The following FIP1L1 variants were observed in gnomAD, a reference collection of about 807,000 sequenced individuals.
FIP1L1 encodes pre-mRNA 3'-end-processing factor FIP1.
A neutral mutation model predicts 84.6 loss-of-function variants in FIP1L1; 21 were observed. The ratio of observed to expected loss-of-function variants is 0.25; its 90% CI spans 0.18 to 0.36. FIP1L1 has a LOEUF of 0.36. Among genes scored for constraint, FIP1L1 ranks in the 10% least tolerant of loss-of-function variants. The pLI, the probability that FIP1L1 is intolerant of heterozygous loss-of-function variation, is 1.00. For synonymous variants in FIP1L1, 263 were observed against 242.3 expected, an observed-to-expected ratio of 1.09 and a Z score of -0.80; for missense variants, 526 against 751.1, an observed-to-expected ratio of 0.70 and a Z score of 3.50.
Position 53,382,303 on chromosome 4 carries a change from G to A in FIP1L1, c.196G>A (p.Asp66Asn). ...TGCTAATCCTCCATCTGGAATTGAA[G>A]ATGAAACTGCTGAAAATGGTGTACC... ...ASANPPSGIE[D>N]ETAENGVPKP... is the part of the protein sequence containing the mutation. Residue 66 changes from aspartate to asparagine, a missense_variant, in exon 4 of 18, where the codon GAT (aspartate) becomes AAT (asparagine). Asp to Asn is a conservative substitution (Grantham distance 23). This residue lies in a region of FIP1L1 where 100 missense variants were observed against 107.2 expected (regional missense o/e 0.93). Coordinates refer to ENST00000337488, the MANE Select transcript of FIP1L1 (RefSeq NM_030917.4). 1 of 1,613,768 alleles carries A rather than the reference G, an allele frequency of 6.2e-7. No homozygotes were observed. The highest frequency in any genetic ancestry group is 2.2e-5 in the East Asian group (1 of 44,844).
intron 3 of FIP1L1, among the ~76,000 whole-genome samples, chr4:53,380,015 A>C (rs150050634): frequency 2.2e-3 from 338 of 152,314 alleles, no homozygotes; most frequent in Non-Finnish European, 3.7e-3. Flanking sequence ...GTTAGTGAGG[A>C]TATGGGGAAA....
At chr4:53,449,857 C>T (rs1303230471) in intron 15 of FIP1L1, among the ~76,000 whole-genome samples, 2 of 151,976 alleles carry the variant, frequency 1.3e-5, no homozygotes, top group Admixed American at 1.3e-4. Flanking sequence ...TAATCCATTT[C>T]GGCTAAGTTT....
At chr4:53,444,146 T>G (rs767041719) in intron 15 of FIP1L1, 43 bp downstream of exon 15, 1 of 1,243,502 alleles carries the variant, frequency 8.0e-7, no homozygotes, top group Admixed American at 1.7e-5. Flanking sequence ...TTTGAATCAG[T>G]AAAGTACTTG....
chr4:53,433,278 C>T (rs757841575), intron 13 of FIP1L1, among the ~76,000 whole-genome samples: 1 of 152,218 alleles, frequency 6.6e-6, no homozygotes, highest in Non-Finnish European at 1.5e-5. Context: ...TCTGTGCCCA[C>T]TAAACTCCTT....
At chr4:53,451,764 A>G (rs1474183317) in intron 15 of FIP1L1, among the ~76,000 whole-genome samples, 2 of 152,022 alleles carry the variant, frequency 1.3e-5, no homozygotes, top group African/African-American at 4.8e-5. Context: ...CTGCTATTGA[A>G]TAGCGTATAT....
intron 11 of FIP1L1, among the ~76,000 whole-genome samples, chr4:53,423,998 G>T (rs534268308): frequency 6.6e-6 from 1 of 152,218 alleles, no homozygotes; most frequent in Admixed American, 6.5e-5. Context: ...GTTATATCTA[G>T]ATCTAATTTT....
intron 15 of FIP1L1, among the ~76,000 whole-genome samples, chr4:53,445,626 C>A (rs913472586): frequency 2.6e-5 from 4 of 152,064 alleles, no homozygotes; most frequent in African/African-American, 9.7e-5. Context: ...TGTGGAAAGG[C>A]AATATATACT....
intron 10 of FIP1L1, among the ~76,000 whole-genome samples, chr4:53,413,779 A>G (rs568936808): frequency 1.2e-4 from 19 of 152,062 alleles, no homozygotes; most frequent in Non-Finnish European, 2.6e-4. Context: ...TTTAGCATTT[A>G]TTTTTCCTTC....
At chr4:53,419,977 G>A (rs1761477598) in intron 11 of FIP1L1, among the ~76,000 whole-genome samples, 1 of 151,966 alleles carries the variant, frequency 6.6e-6, no homozygotes, top group Non-Finnish European at 1.5e-5. Context: ...GGGAGGCCGA[G>A]GCGGGTGGAT....
At chr4:53,403,245 G>A (rs1013754613) in intron 10 of FIP1L1, among the ~76,000 whole-genome samples, 7 of 152,062 alleles carry the variant, frequency 4.6e-5, no homozygotes, top group African/African-American at 1.4e-4. Context: ...TGATGACACA[G>A]GGAGAGAAAC....
At chr4:53,401,122 T>C (rs1486434474) in intron 10 of FIP1L1, among the ~76,000 whole-genome samples, 2 of 152,238 alleles carry the variant, frequency 1.3e-5, no homozygotes, top group Non-Finnish European at 2.9e-5. Context: ...AGTGTAGTTA[T>C]CTATATTCAG....
In FIP1L1 at chr4:53,428,186, A is replaced by G. The variant is rs1180725908; in HGVS notation, c.1174+3A>G. 6.4e-7 allele frequency: 1 copy of G among 1,561,946 alleles called. No individual in the cohort carries two copies. Among genetic ancestry groups the G allele is most frequent in the Non-Finnish European group, 8.7e-7 (1 of 1,151,024 alleles). ...TCCACCTCTGATTCCACCACCGGGT[A>G]AATAGTAAATAAGACATTTGACTTT... On this transcript the variant is annotated splice_donor_region_variant and intron_variant, in intron 13 of 17. Transcript: ENST00000337488.
At chr4:53,428,656 C>A (rs924466468) in intron 13 of FIP1L1, among the ~76,000 whole-genome samples, 17 of 152,124 alleles carry the variant, frequency 1.1e-4, no homozygotes, top group Non-Finnish European at 1.3e-4. Flanking sequence ...GTATTTATTT[C>A]TTTTAAACAA....
chr4:53,387,290 C>G (rs1174603852), intron 5 of FIP1L1, among the ~76,000 whole-genome samples: 1 of 152,182 alleles, frequency 6.6e-6, no homozygotes, highest in Non-Finnish European at 1.5e-5. Context: ...TAGTAAGATC[C>G]TGTCTCAAAG....
chr4:53,459,258 GTATT>G, intron 17 of FIP1L1, 40 bp from the exon 18 acceptor site: 2 of 1,347,598 alleles, frequency 1.5e-6, no homozygotes, highest in South Asian at 1.4e-5. Context: ...CACTGATTGT[GTATT>G]TAAACAGAAC....
intron 17 of FIP1L1, 48 bp from the exon 18 acceptor site, chr4:53,459,253 AT>A: frequency 3.0e-6 from 4 of 1,315,764 alleles, no homozygotes; most frequent in Non-Finnish European, 4.1e-6. Context: ...TTTGTCACTG[AT>A]TGTGTATTTA....
chr4:53,440,013 T>A (rs1409653143), intron 13 of FIP1L1, among the ~76,000 whole-genome samples: 1 of 151,656 alleles, frequency 6.6e-6, no homozygotes, highest in East Asian at 1.9e-4. Flanking sequence ...GCCCTGGGGG[T>A]GTATATATAT....
intron 13 of FIP1L1, among the ~76,000 whole-genome samples, chr4:53,432,464 T>C (rs1560559247): frequency 6.7e-6 from 1 of 148,946 alleles, no homozygotes; most frequent in Non-Finnish European, 1.5e-5. Context: ...TCTTCTATAA[T>C]ATCCAGAAAA....
At chr4:53,423,591 T>C (rs1261515172) in intron 11 of FIP1L1, among the ~76,000 whole-genome samples, 1 of 152,246 alleles carries the variant, frequency 6.6e-6, no homozygotes, top group Non-Finnish European at 1.5e-5. Flanking sequence ...TGGTACATAC[T>C]GTGTGTCTTA....
Sources: allele counts gnomAD v4.1 joint callset (sites outside exome capture counted in the v4.1 genomes callset), GRCh38; gene constraint gnomAD v4.1.1; regional missense constraint gnomAD v4.1.1; transcripts MANE v1.5; gene names NCBI Gene and HGNC (gene_info 2026-07-23, HGNC 2026-07-21).